The following RALGDS variants were observed in gnomAD, a reference collection of about 807,000 sequenced individuals.
RALGDS encodes the protein ral guanine nucleotide exchange factor.
A neutral mutation model predicts 99.8 loss-of-function variants in RALGDS; 44 were observed. That is an observed-to-expected ratio of 0.44 (90% confidence interval 0.35 to 0.57). The LOEUF is 0.57. RALGDS is among the 20% of genes least tolerant of loss of function. RALGDS has a pLI of 0.01. For missense variants in RALGDS, 1,022 were observed against 1,203.1 expected, an observed-to-expected ratio of 0.85 and a Z score of 2.23; for synonymous variants, 529 against 505.0, an observed-to-expected ratio of 1.05 and a Z score of -0.64.
At chr9:133,116,871 G>C (rs1831634999) in intron 1 of RALGDS, among the ~76,000 whole-genome samples, 1 of 152,248 alleles carries the variant, frequency 6.6e-6, no homozygotes, top group South Asian at 2.1e-4. Context: ...CCTCTGCCAT[G>C]GTCTCAGGCT....
chr9:133,128,003 T>C (rs1296284603), intron 1 of RALGDS, among the ~76,000 whole-genome samples: 1 of 152,072 alleles, frequency 6.6e-6, no homozygotes, highest in Non-Finnish European at 1.5e-5. Context: ...CCCTTGGAAA[T>C]GGGTACACCC....
At chr9:133,137,287 G>T (rs1378999424) in intron 1 of RALGDS, among the ~76,000 whole-genome samples, 1 of 152,228 alleles carries the variant, frequency 6.6e-6, no homozygotes, top group African/African-American at 2.4e-5. Flanking sequence ...CCCCCATGGC[G>T]GGGAGTTTGT....
chr9:133,103,882 T>C (rs1224395202), intron 10 of RALGDS, 49 bp from the exon 11 acceptor site: 2 of 1,563,782 alleles, frequency 1.3e-6, no homozygotes, highest in Middle Eastern at 3.3e-4. Flanking sequence ...CCTGAAGGCT[T>C]TCTCAGCCCC....
intron 1 of RALGDS, among the ~76,000 whole-genome samples, chr9:133,138,452 C>T (rs780722648): frequency 3.0e-4 from 45 of 152,224 alleles, no homozygotes; most frequent in Non-Finnish European, 6.2e-4. Flanking sequence ...CTCCCCTGCC[C>T]AGGGACCCTC....
At chr9:133,104,158 G>A (rs1588514561) in intron 10 of RALGDS, 105 bp downstream of exon 10, 2 of 1,210,440 alleles carry the variant, frequency 1.7e-6, no homozygotes, top group South Asian at 2.5e-5. Context: ...TCCAGAGGAG[G>A]CTACCTCTAA....
intron 16 of RALGDS, 112 bp downstream of exon 16, chr9:133,101,408 C>T (rs988243280): frequency 6.3e-7 from 1 of 1,584,106 alleles, no homozygotes. Context: ...TGACATCTGT[C>T]CTTCCCCGCC....
rs187565527 is a variant in RALGDS at position 133,128,269 on chromosome 9, G to A, written c.132+2683C>T. ...CAAAAGTGAGCCGGAGGACCACAGC[G>A]GGAGAGGGAGGCAGCAGGCAGACGG... is the stretch of plus-strand genomic sequence containing the variant. On this transcript the variant is annotated intron_variant, in intron 1 of 17. Coordinates refer to the RALGDS transcript ENST00000372062. Among the ~76,000 whole-genome samples the A allele has an allele frequency of 3.6e-3, 554 of 152,302 alleles. 11 individuals are homozygous for A. Among genetic ancestry groups the A allele is most frequent in the Admixed American group, 0.03 (461 of 15,300 alleles).
chr9:133,098,813 A>AG (rs2119107804), intron 17 of RALGDS, 51 bp from the exon 18 acceptor site: 1 of 1,576,182 alleles, frequency 6.3e-7, no homozygotes, highest in Admixed American at 1.7e-5. Flanking sequence ...GGGGCCCTGC[A>AG]GGATACCCCT....
At chr9:133,128,515 G>A (rs1021102175) in intron 1 of RALGDS, among the ~76,000 whole-genome samples, 2 of 152,176 alleles carry the variant, frequency 1.3e-5, no homozygotes, top group East Asian at 1.9e-4. Flanking sequence ...CTCCTGGAGG[G>A]TGGTCAGCCG....
At chr9:133,116,163 G>C (rs1015650755) in intron 1 of RALGDS, among the ~76,000 whole-genome samples, 3 of 152,206 alleles carry the variant, frequency 2.0e-5, no homozygotes, top group Non-Finnish European at 4.4e-5. Context: ...TCCTGCCCTC[G>C]GGCCTGCCCT....
chr9:133,110,677 G>A (rs1341594438), intron 2 of RALGDS, among the ~76,000 whole-genome samples, 188 bp from the exon 3 acceptor site: 1 of 151,962 alleles, frequency 6.6e-6, no homozygotes, highest in East Asian at 1.9e-4. Context: ...AGTCATCCCG[G>A]CACTTTGGGA....
upstream of RALGDS, among the ~76,000 whole-genome samples, chr9:133,134,632 C>T (rs149997090): frequency 5.3e-5 from 8 of 152,286 alleles, no homozygotes; most frequent in East Asian, 1.2e-3. Flanking sequence ...CCAGGCAGCA[C>T]ACAGACTTGA....
chr9:133,103,194 C>T (rs1184091875), intron 12 of RALGDS, 36 bp downstream of exon 12: 9 of 1,613,204 alleles, frequency 5.6e-6, no homozygotes, highest in Middle Eastern at 1.6e-4. Flanking sequence ...CTGTTTTCCA[C>T]CCCTCCCCAA....
chr9:133,107,283 C>T lies in RALGDS; in HGVS notation c.1215G>A (p.Val405=), dbSNP rs1224526607. 6.2e-6 allele frequency: 10 copies of T among 1,613,578 alleles called. No individual in the cohort carries two copies. The highest frequency in any genetic ancestry group is 2.2e-5 in the East Asian group (1 of 44,866). ...TGGAGCCCAGGCAGTGGTAGGGCAC[C>T]ACCTTCTTGAACAGTTCCTGGGGAG... ...TLMDAELFKK[V]VPYHCLGSIW... Residue 405 remains valine (V), a synonymous_variant, in exon 7 of 18, where the codon GTG becomes GTA. Coordinates refer to ENST00000372050, the MANE Select transcript of RALGDS (RefSeq NM_006266.4).
chr9:133,101,328 C>T, intron 16 of RALGDS, 192 bp downstream of exon 16: 1 of 1,447,700 alleles, frequency 6.9e-7, no homozygotes, highest in Non-Finnish European at 9.5e-7. Context: ...CACGGCTGCT[C>T]CTTTCCTCCC....
chr9:133,126,868 G>A (rs1053384024), intron 1 of RALGDS, among the ~76,000 whole-genome samples: 2 of 152,190 alleles, frequency 1.3e-5, no homozygotes, highest in Admixed American at 6.5e-5. Flanking sequence ...CAGCTGTCTC[G>A]TTTAGGGAAA....
intron 1 of RALGDS, chr9:133,129,095 C>T (rs745565441): frequency 1.3e-6 from 2 of 1,536,120 alleles, no homozygotes. Flanking sequence ...GGTGACCCAC[C>T]CAGCCCCTCC....
At chr9:133,113,973 G>A (rs1425618645) in intron 1 of RALGDS, among the ~76,000 whole-genome samples, 2 of 152,242 alleles carry the variant, frequency 1.3e-5, no homozygotes, top group Non-Finnish European at 2.9e-5. Flanking sequence ...AGTGCCTGCT[G>A]GACAGAGGTG....
At chr9:133,103,886 C>G in intron 10 of RALGDS, 53 bp from the exon 11 acceptor site, 4 of 1,538,016 alleles carry the variant, frequency 2.6e-6, no homozygotes, top group South Asian at 1.1e-5. Context: ...AAGGCTTTCT[C>G]AGCCCCCAGC....
Sources: allele counts gnomAD v4.1 joint callset (sites outside exome capture counted in the v4.1 genomes callset), GRCh38; gene constraint gnomAD v4.1.1; transcripts MANE v1.5; gene names NCBI Gene and HGNC (gene_info 2026-07-23, HGNC 2026-07-21).